UNC5D: variants seen among roughly 807,000 people sequenced by gnomAD.
UNC5D encodes the protein netrin receptor UNC5D.
A neutral mutation model predicts 105.4 loss-of-function variants in UNC5D; 39 were observed. The ratio of observed to expected loss-of-function variants is 0.37; its 90% CI spans 0.29 to 0.48. The LOEUF (loss-of-function observed/expected upper bound fraction) is 0.48, where lower values mean the gene tolerates loss of function less well. UNC5D is among the 20% of genes least tolerant of loss of function. The probability of loss-of-function intolerance (pLI) is 0.98; values close to 1 mark genes in which losing one functional copy is unlikely to be tolerated. For synonymous variants in UNC5D, 452 were observed against 450.4 expected, an observed-to-expected ratio of 1.00 and a Z score of -0.04; for missense variants, 991 against 1,202.4, an observed-to-expected ratio of 0.82 and a Z score of 2.60.
At chr8:35,355,126 G>A (rs74672929) in intron 1 of UNC5D, among the ~76,000 whole-genome samples, 1,769 of 152,180 alleles carry the variant, frequency 0.012, 40 homozygotes, top group African/African-American at 0.041. Context: ...ACCCAGATTC[G>A]TTGTGGCAGG....
rs1207156582 is a variant in UNC5D at position 35,507,182 on chromosome 8, A to G, written c.104-42110A>G. ...GCCATTCTCCTGCCTCAGCCTCCCA[A>G]GTAGCTGGGACTACAGGCGCCCGCC... On this transcript the variant is annotated intron_variant, in intron 1 of 16. Coordinates refer to ENST00000404895, the MANE Select transcript of UNC5D (RefSeq NM_080872.4). 9.7e-4 allele frequency among the ~76,000 whole-genome samples: 144 copies of G among 147,932 alleles called. 1 individual carries two copies. Among genetic ancestry groups the G allele is most frequent in the Middle Eastern group, 3.5e-3 (1 of 282 alleles).
chr8:35,722,452 C>T lies in UNC5D; in HGVS notation c.1303+57C>T, dbSNP rs960655074. On this transcript the variant is annotated intron_variant, in intron 9 of 16. Coordinates refer to ENST00000404895, the MANE Select transcript of UNC5D (RefSeq NM_080872.4). Reference sequence around the variant, plus strand: ...CTCAGTGCCATAGACTACGCTCACACTAGACCCCAGCCTTCTCCTGGGCCC... The same window carrying T: ...CTCAGTGCCATAGACTACGCTCACATTAGACCCCAGCCTTCTCCTGGGCCC... The T allele has an allele frequency of 2.5e-5, 39 of 1,556,548 alleles. No individual in the cohort carries two copies. In the African/African-American group the frequency reaches 5.2e-4, roughly 21 times the overall value.
chr8:35,324,592 T>A (rs2128889167), intron 1 of UNC5D, among the ~76,000 whole-genome samples: 1 of 152,326 alleles, frequency 6.6e-6, no homozygotes, highest in East Asian at 1.9e-4. Context: ...CATTTGTTAA[T>A]TCCATCTTAA....
At chr8:35,316,839 A>AC in intron 1 of UNC5D, among the ~76,000 whole-genome samples, 1 of 152,120 alleles carries the variant, frequency 6.6e-6, no homozygotes, top group Non-Finnish European at 1.5e-5. Flanking sequence ...ATTTTCAGGA[A>AC]ATATGCTGTC....
chr8:35,331,992 T>C (rs2128894421), intron 1 of UNC5D, among the ~76,000 whole-genome samples: 1 of 152,320 alleles, frequency 6.6e-6, no homozygotes, highest in East Asian at 1.9e-4. Context: ...TGCTGGAAGG[T>C]AGTAAACTCA....
chr8:35,342,076 A>T (rs551721417), intron 1 of UNC5D, among the ~76,000 whole-genome samples: 54 of 152,202 alleles, frequency 3.5e-4, no homozygotes, highest in Non-Finnish European at 2.1e-4. Context: ...GGATGCATTT[A>T]AGTAATTTCT....
At chr8:35,622,770 T>A (rs573153805) in intron 4 of UNC5D, among the ~76,000 whole-genome samples, 1 of 152,306 alleles carries the variant, frequency 6.6e-6, no homozygotes, top group African/African-American at 2.4e-5. Context: ...TAATATGTTG[T>A]TGAAGTGAGG....
Position 35,667,655 on chromosome 8 carries a change from A to G in UNC5D, c.571-15892A>G, listed in dbSNP as rs192675853. On this transcript the variant is annotated intron_variant, in intron 4 of 16. Coordinates refer to ENST00000404895, the MANE Select transcript of UNC5D (RefSeq NM_080872.4). ...CCAATCACCAAAAATTTTAAATAAC[A>G]TTTGTTGACCTACCTTCCAGGTATT... Among the ~76,000 whole-genome samples the G allele has an allele frequency of 3.1e-4, 47 of 152,302 alleles. No homozygotes were observed. The East Asian group carries it at 8.5e-3, about 28-fold the overall frequency.
chr8:35,351,726 TGA>T (rs1812253331), intron 1 of UNC5D, among the ~76,000 whole-genome samples: 1 of 152,158 alleles, frequency 6.6e-6, no homozygotes, highest in South Asian at 2.1e-4. Context: ...CTGCCTACTA[TGA>T]GAGTGTTTGC....
chr8:35,670,576 G>C (rs1346698676), intron 4 of UNC5D, among the ~76,000 whole-genome samples: 1 of 152,138 alleles, frequency 6.6e-6, no homozygotes, highest in Non-Finnish European at 1.5e-5. Flanking sequence ...GATGGAGCTG[G>C]AAGACATTAT....
At chr8:35,481,493 G>A (rs1358628147) in intron 1 of UNC5D, among the ~76,000 whole-genome samples, 1 of 152,118 alleles carries the variant, frequency 6.6e-6, no homozygotes, top group Non-Finnish European at 1.5e-5. Flanking sequence ...ACTTGTACCA[G>A]GTCTTCAGCC....
chr8:35,452,770 T>C (rs1490620616), intron 1 of UNC5D, among the ~76,000 whole-genome samples: 1 of 152,186 alleles, frequency 6.6e-6, no homozygotes, highest in African/African-American at 2.4e-5. Flanking sequence ...GGGTATTACC[T>C]ACTACTGTTC....
chr8:35,625,670 G>A (rs1263205586), intron 4 of UNC5D, among the ~76,000 whole-genome samples: 1 of 152,224 alleles, frequency 6.6e-6, no homozygotes, highest in Non-Finnish European at 1.5e-5. Flanking sequence ...TGAAAATGGA[G>A]TATGATTATT....
intron 1 of UNC5D, among the ~76,000 whole-genome samples, chr8:35,388,218 G>A (rs555295697): frequency 6.6e-6 from 1 of 152,104 alleles, no homozygotes; most frequent in Non-Finnish European, 1.5e-5. Flanking sequence ...ACAAAAATTA[G>A]CCAGGCATGG....
At chr8:35,666,971 G>C (rs1470121101) in intron 4 of UNC5D, among the ~76,000 whole-genome samples, 1 of 152,046 alleles carries the variant, frequency 6.6e-6, no homozygotes, top group East Asian at 1.9e-4. Flanking sequence ...TAGCTGGGAA[G>C]GTAAAATGTG....
At chr8:35,248,113 A>T (rs865939692) in intron 1 of UNC5D, among the ~76,000 whole-genome samples, 1,342 of 56,794 alleles carry the variant, frequency 0.024, 29 homozygotes, top group Non-Finnish European at 0.031. Flanking sequence ...ATATATAAAA[A>T]ATATAATATA....
chr8:35,441,490 TG>T (rs966517434), intron 1 of UNC5D, among the ~76,000 whole-genome samples: 25 of 151,858 alleles, frequency 1.6e-4, no homozygotes, highest in African/African-American at 5.6e-4. Context: ...ATGTACCCCC[TG>T]TAGATAAGGG....
chr8:35,774,910 G>C (rs1033585437), intron 16 of UNC5D, among the ~76,000 whole-genome samples: 1 of 127,254 alleles, frequency 7.9e-6, no homozygotes, highest in Non-Finnish European at 1.5e-5. Context: ...ATGGGCAACA[G>C]AGTAAGACCC....
chr8:35,450,391 G>A (rs77697789), intron 1 of UNC5D, among the ~76,000 whole-genome samples: 8,165 of 152,092 alleles, frequency 0.054, 311 homozygotes, highest in East Asian at 0.16. Flanking sequence ...TCTATTCTGG[G>A]CACCCAGAAC....
Sources: allele counts gnomAD v4.1 joint callset (sites outside exome capture counted in the v4.1 genomes callset), GRCh38; gene constraint gnomAD v4.1.1; transcripts MANE v1.5; gene names NCBI Gene and HGNC (gene_info 2026-07-23, HGNC 2026-07-21).